Variants in STXBP4 observed in about 807,000 individuals in gnomAD.
STXBP4 encodes syntaxin-binding protein 4.
In STXBP4, 55 loss-of-function variants were observed where a neutral mutation model predicts 76.1. That is an observed-to-expected ratio of 0.72 (90% confidence interval 0.58 to 0.91). STXBP4 has a LOEUF of 0.91. Among genes scored for constraint, STXBP4 ranks in the 40% least tolerant of loss-of-function variants. The pLI is 0.00. For synonymous variants in STXBP4, 201 were observed against 220.2 expected (o/e 0.91, Z 0.77); for missense variants, 618 against 636.9 (o/e 0.97, Z 0.32).
the STXBP4 span, among the ~76,000 whole-genome samples, chr17:55,189,309 A>G: frequency 6.6e-6 from 1 of 152,244 alleles, no homozygotes; most frequent in Non-Finnish European, 1.5e-5. Flanking sequence ...ACTGATGACC[A>G]CTTTTCCTCT....
At chr17:55,102,501 G>A (rs773184437) in intron 16 of STXBP4, among the ~76,000 whole-genome samples, 4 of 151,878 alleles carry the variant, frequency 2.6e-5, no homozygotes, top group East Asian at 1.9e-4. Flanking sequence ...GTATATGTGC[G>A]ATATTTTCTT....
At chr17:55,139,935 A>G (rs770842016) in intron 16 of STXBP4, among the ~76,000 whole-genome samples, 15 of 152,174 alleles carry the variant, frequency 9.9e-5, no homozygotes, top group Non-Finnish European at 1.9e-4. Flanking sequence ...TTACAAAAAC[A>G]TCATCCTTAG....
At chr17:55,097,538 C>T (rs112085017) in intron 16 of STXBP4, among the ~76,000 whole-genome samples, 4,980 of 151,998 alleles carry the variant, frequency 0.033, 249 homozygotes, top group African/African-American at 0.11. Flanking sequence ...TGGCGGGTGC[C>T]TGTAGTATCA....
chr17:55,059,536 C>T (rs2078970576), intron 12 of STXBP4, among the ~76,000 whole-genome samples: 1 of 152,000 alleles, frequency 6.6e-6, no homozygotes, highest in South Asian at 2.1e-4. Context: ...AAATTTGGTT[C>T]CTCAGTCAAC....
chr17:55,028,282 A>T (rs2078449189), intron 8 of STXBP4, among the ~76,000 whole-genome samples: 1 of 152,142 alleles, frequency 6.6e-6, no homozygotes, highest in African/African-American at 2.4e-5. Context: ...CTAAATGATT[A>T]TCAGAAGGAG....
the STXBP4 span, among the ~76,000 whole-genome samples, chr17:55,205,701 T>C: frequency 6.6e-6 from 1 of 152,068 alleles, no homozygotes; most frequent in South Asian, 2.1e-4. Context: ...ATAAGAGTTT[T>C]CTAATATTTT....
At chr17:55,049,186 A>G (rs912107233) in intron 12 of STXBP4, among the ~76,000 whole-genome samples, 1 of 151,994 alleles carries the variant, frequency 6.6e-6, no homozygotes, top group Non-Finnish European at 1.5e-5. Flanking sequence ...GCCATAGAAA[A>G]CAGTTTGTGA....
chr17:55,054,225 G>A (rs1315686412), intron 12 of STXBP4, among the ~76,000 whole-genome samples: 2 of 152,074 alleles, frequency 1.3e-5, no homozygotes, highest in East Asian at 1.9e-4. Flanking sequence ...AGTGGCTCAC[G>A]CCTATAATCC....
At position 55,073,083 on chromosome 17, in the gene STXBP4, A is replaced by G. The variant is rs757858964; in HGVS notation, c.1188+7A>G. On this transcript the variant is annotated splice_region_variant and intron_variant, in intron 13 of 17. Coordinates refer to ENST00000376352, the MANE Select transcript of STXBP4 (RefSeq NM_178509.6). ...TTATTCTGACCAAAATAAAGTAAGCAAAGCAGTCATCTCTTCCAGTTACCA... is the reference window on the plus strand; with the variant it reads ...TTATTCTGACCAAAATAAAGTAAGCGAAGCAGTCATCTCTTCCAGTTACCA... 5.0e-6 allele frequency: 8 copies of G among 1,612,146 alleles called. No homozygotes were observed. The East Asian group carries it at 1.6e-4, about 31-fold the overall frequency.
chr17:55,144,005 G>GCACACA (rs61300425), intron 17 of STXBP4, among the ~76,000 whole-genome samples: 348 of 138,926 alleles, frequency 2.5e-3, no homozygotes, highest in African/African-American at 6.4e-3. Flanking sequence ...AAAGCCACCT[G>GCACACA]CACACACACA....
intron 8 of STXBP4, among the ~76,000 whole-genome samples, chr17:55,021,673 T>C (rs758254540): frequency 2.6e-5 from 4 of 152,158 alleles, no homozygotes; most frequent in Non-Finnish European, 4.4e-5. Flanking sequence ...GATGTTATTG[T>C]TTATTATTAT....
chr17:55,078,863 A>G, intron 15 of STXBP4, 128 bp downstream of exon 15: 1 of 629,152 alleles, frequency 1.6e-6, no homozygotes, highest in Non-Finnish European at 2.8e-6. Context: ...ATTGGATGCC[A>G]TCATATGGAA....
At chr17:55,111,900 GTTT>G (rs1209133532) in intron 16 of STXBP4, among the ~76,000 whole-genome samples, 29 of 46,884 alleles carry the variant, frequency 6.2e-4, no homozygotes, top group African/African-American at 2.6e-3. Context: ...TTCAGGGTTT[GTTT>G]GTTTGTTTGT....
At chr17:55,045,281 A>G (rs909859488) in intron 11 of STXBP4, among the ~76,000 whole-genome samples, 13 of 152,160 alleles carry the variant, frequency 8.5e-5, no homozygotes, top group East Asian at 1.9e-4. Context: ...TAGTGCAACA[A>G]TTGTTTTGAT....
rs929261993 is a variant in STXBP4, at chr17:55,078,674, G to A, written c.1306-12G>A. On this transcript the variant is annotated splice_polypyrimidine_tract_variant and intron_variant, in intron 14 of 17. Coordinates refer to ENST00000376352, the MANE Select transcript of STXBP4 (RefSeq NM_178509.6). Reference sequence around the variant, plus strand: ...ACTGATATATCTCCTTCACCATCTTGTTTGTTGCTAGGCTATTCAAGAAGT... The same window carrying A: ...ACTGATATATCTCCTTCACCATCTTATTTGTTGCTAGGCTATTCAAGAAGT... 2.0e-6 allele frequency: 3 copies of A among 1,518,636 alleles called. No individual in the cohort carries two copies. Among genetic ancestry groups the A allele is most frequent in the South Asian group, 2.3e-5 (2 of 85,476 alleles). The allele number at this position is 1,518,636 out of a possible 1,614,324, so 94.1% of individuals were successfully genotyped here. A position where few individuals can be genotyped will look rare whatever the true frequency, so the allele number is the denominator to read the frequency against.
intron 16 of STXBP4, among the ~76,000 whole-genome samples, chr17:55,090,453 G>C (rs1203418181): frequency 6.6e-6 from 1 of 151,988 alleles, no homozygotes; most frequent in African/African-American, 2.4e-5. Flanking sequence ...ACAATGCAAA[G>C]GTACATTTCA....
intron 1 of STXBP4, among the ~76,000 whole-genome samples, chr17:54,970,384 A>C (rs2077376502): frequency 6.6e-6 from 1 of 152,228 alleles, no homozygotes; most frequent in Non-Finnish European, 1.5e-5. Flanking sequence ...CAATTGCAGT[A>C]GTCCACATGA....
chr17:55,125,783 A>G (rs1387761483), intron 16 of STXBP4, among the ~76,000 whole-genome samples: 1 of 152,244 alleles, frequency 6.6e-6, no homozygotes, highest in East Asian at 1.9e-4. Flanking sequence ...CTCTACTCCA[A>G]ACCCTAGCAG....
At position 55,055,850 on chromosome 17, in the gene STXBP4, T is replaced by TA. The variant is rs199759524; in HGVS notation, c.1011+8699dup. Among the ~76,000 whole-genome samples, 208 of 152,340 alleles carry TA rather than the reference T, an allele frequency of 1.4e-3. 1 individual carries two copies. The highest frequency in any genetic ancestry group is 0.014 in the Middle Eastern group (4 of 294). On this transcript the variant is annotated intron_variant, in intron 12 of 17. Transcript: ENST00000376352. ...GTATAACTATTACTATCTTACATCT[T>TA]AAATAATTTACTTATGTTTTGCTCT...
Sources: allele counts gnomAD v4.1 joint callset (sites outside exome capture counted in the v4.1 genomes callset), GRCh38; gene constraint gnomAD v4.1.1; transcripts MANE v1.5; gene names NCBI Gene and HGNC (gene_info 2026-07-23, HGNC 2026-07-21).